ERC2: variants seen among roughly 807,000 people sequenced by gnomAD.
ERC2 encodes ELKS/RAB6-interacting/CAST family member 2, also known as ERC protein 2.
A neutral mutation model predicts 114.8 loss-of-function variants in ERC2; 42 were observed. The observed-to-expected ratio is 0.37, with a 90% confidence interval of 0.29 to 0.47. ERC2 has a LOEUF of 0.47. ERC2 is among the 20% of genes least tolerant of loss of function. The pLI, the probability that ERC2 is intolerant of heterozygous loss-of-function variation, is 0.99. For missense variants in ERC2, 939 were observed against 1,150.7 expected, an observed-to-expected ratio of 0.82 and a Z score of 2.66; for synonymous variants, 454 against 425.5, an observed-to-expected ratio of 1.07 and a Z score of -0.82.
At chr3:55,789,262 C>A (rs192167903) in intron 14 of ERC2, among the ~76,000 whole-genome samples, 1 of 152,214 alleles carries the variant, frequency 6.6e-6, no homozygotes, top group Non-Finnish European at 1.5e-5. Context: ...GAGAGACTTT[C>A]TTTACTGCTT....
chr3:55,908,519 G>C (rs4541375), intron 13 of ERC2, among the ~76,000 whole-genome samples: 94,454 of 151,964 alleles, frequency 0.62, 30,197 homozygotes, highest in Non-Finnish European at 0.67. Flanking sequence ...GATGCTCAGA[G>C]GGAGAAGCCT....
intron 6 of ERC2, among the ~76,000 whole-genome samples, chr3:56,103,743 G>GTATC (rs58839474): frequency 0.26 from 38,433 of 149,050 alleles, 4,997 homozygotes; most frequent in Middle Eastern, 0.36. Flanking sequence ...AACTAGAAGT[G>GTATC]TATCTATCTA....
intron 13 of ERC2, among the ~76,000 whole-genome samples, chr3:55,943,674 T>G (rs1369113531): frequency 6.6e-6 from 1 of 152,180 alleles, no homozygotes; most frequent in Admixed American, 6.5e-5. Flanking sequence ...GGATCCAGCA[T>G]GAAGATCACC....
At chr3:56,093,919 G>T (rs1247558217) in intron 6 of ERC2, among the ~76,000 whole-genome samples, 1 of 152,084 alleles carries the variant, frequency 6.6e-6, no homozygotes, top group Non-Finnish European at 1.5e-5. Flanking sequence ...GTTAAGTAGG[G>T]GTGTGGAAGC....
chr3:56,461,082 T>C, intron 1 of ERC2, among the ~76,000 whole-genome samples: 1 of 152,002 alleles, frequency 6.6e-6, no homozygotes, highest in East Asian at 1.9e-4. Flanking sequence ...CAAATGTTAT[T>C]GAGCATAAAG....
At chr3:55,704,530 G>A (rs76159061) in intron 15 of ERC2, among the ~76,000 whole-genome samples, 5,490 of 152,220 alleles carry the variant, frequency 0.036, 338 homozygotes, top group African/African-American at 0.13. Context: ...CTACTGTCTT[G>A]TTTCCACCTA....
At chr3:55,643,526 T>C (rs1440272380) in intron 17 of ERC2, among the ~76,000 whole-genome samples, 1 of 152,210 alleles carries the variant, frequency 6.6e-6, no homozygotes, top group Non-Finnish European at 1.5e-5. Context: ...AGGGTTACAA[T>C]CTTGGGCAAG....
chr3:55,718,928 G>A (rs1190922316), intron 15 of ERC2, among the ~76,000 whole-genome samples: 1 of 152,110 alleles, frequency 6.6e-6, no homozygotes, highest in East Asian at 1.9e-4. Context: ...CTGTGGGGGT[G>A]AGCCACAGTT....
intron 16 of ERC2, among the ~76,000 whole-genome samples, chr3:55,698,167 T>G (rs774250235): frequency 9.9e-5 from 15 of 151,828 alleles, no homozygotes; most frequent in Admixed American, 2.6e-4. Context: ...AAATCTAGAT[T>G]TTTTTCTGTG....
chr3:56,112,716 G>A (rs1209958200), intron 6 of ERC2, among the ~76,000 whole-genome samples: 1 of 152,108 alleles, frequency 6.6e-6, no homozygotes, highest in Non-Finnish European at 1.5e-5. Flanking sequence ...AGAAAACCAG[G>A]AGGGATGGTT....
chr3:55,753,362 T>A (rs1008572280), intron 14 of ERC2, among the ~76,000 whole-genome samples: 1 of 152,078 alleles, frequency 6.6e-6, no homozygotes, highest in Admixed American at 6.6e-5. Flanking sequence ...TGGGAATCTA[T>A]AAAATAAAAA....
chr3:56,407,570 T>C (rs2060776673), intron 2 of ERC2, among the ~76,000 whole-genome samples: 1 of 152,186 alleles, frequency 6.6e-6, no homozygotes, highest in African/African-American at 2.4e-5. Context: ...CTCACACTTA[T>C]TGTACACACA....
intron 14 of ERC2, among the ~76,000 whole-genome samples, chr3:55,807,453 G>C (rs897211702): frequency 6.6e-6 from 1 of 152,180 alleles, no homozygotes; most frequent in Non-Finnish European, 1.5e-5. Flanking sequence ...GGGGTAAGCA[G>C]AGTTCTTCTG....
intron 2 of ERC2, among the ~76,000 whole-genome samples, chr3:56,298,293 T>C (rs1252648073): frequency 1.3e-5 from 2 of 152,262 alleles, no homozygotes; most frequent in East Asian, 1.9e-4. Context: ...TCACTTAGCA[T>C]GTTTCCAAGG....
At chr3:55,930,177 C>T (rs1372042490) in intron 13 of ERC2, among the ~76,000 whole-genome samples, 6 of 152,180 alleles carry the variant, frequency 3.9e-5, no homozygotes, top group East Asian at 1.9e-4. Flanking sequence ...AGGCAGAGGA[C>T]GCAGTGAGCT....
At chr3:56,405,301 G>A (rs1369877640) in intron 2 of ERC2, among the ~76,000 whole-genome samples, 5 of 152,016 alleles carry the variant, frequency 3.3e-5, no homozygotes, top group Non-Finnish European at 4.4e-5. Flanking sequence ...AAAATTAGCC[G>A]GGCATGGCGG....
intron 16 of ERC2, among the ~76,000 whole-genome samples, chr3:55,691,129 C>G (rs969855810): frequency 6.6e-6 from 1 of 152,174 alleles, no homozygotes; most frequent in African/African-American, 2.4e-5. Flanking sequence ...CCTTTTATTT[C>G]CCAAGGGTGG....
intron 10 of ERC2, chr3:56,003,029 A>G (rs2072195895): frequency 8.7e-7 from 1 of 1,151,616 alleles, no homozygotes; most frequent in Non-Finnish European, 1.2e-6. Context: ...AGTATGGCAC[A>G]CCGTGACTGG....
chr3:55,708,784 T>G (rs1576242439), intron 15 of ERC2, among the ~76,000 whole-genome samples: 1 of 148,754 alleles, frequency 6.7e-6, no homozygotes. Context: ...AGAAGAAAGG[T>G]GGGAGAGAAT....
Sources: allele counts gnomAD v4.1 joint callset (sites outside exome capture counted in the v4.1 genomes callset), GRCh38; gene constraint gnomAD v4.1.1; transcripts MANE v1.5; gene names NCBI Gene and HGNC (gene_info 2026-07-23, HGNC 2026-07-21).